The following ARMC2 variants were observed in gnomAD, a reference collection of about 807,000 sequenced individuals.
The protein encoded by ARMC2 is armadillo repeat containing 2.
A neutral mutation model predicts 90.3 loss-of-function variants in ARMC2; 67 were observed. The ratio of observed to expected loss-of-function variants is 0.74; its 90% confidence interval spans 0.61 to 0.91. ARMC2 has a LOEUF of 0.91. Ranked by LOEUF, ARMC2 falls within the 40% of genes least tolerant of loss-of-function variation. The probability of loss-of-function intolerance (pLI) is 0.00; values close to 1 mark genes in which losing one functional copy is unlikely to be tolerated. For synonymous variants in ARMC2, 393 were observed against 393.0 expected, an observed-to-expected ratio of 1.00 and a Z score of 0.00; for missense variants, 920 against 1,030.9, an observed-to-expected ratio of 0.89 and a Z score of 1.47.
the ARMC2 span, among the ~76,000 whole-genome samples, chr6:109,001,016 T>C: frequency 6.6e-6 from 1 of 152,208 alleles, no homozygotes; most frequent in African/African-American, 2.4e-5. Flanking sequence ...GCACCACTTA[T>C]GTCAATGTGA....
intron 11 of ARMC2, among the ~76,000 whole-genome samples, chr6:108,931,973 C>G (rs1320695601): frequency 6.6e-6 from 1 of 151,858 alleles, no homozygotes. Flanking sequence ...CCATGTTGGT[C>G]AGGCTGGTCT....
intron 3 of ARMC2, among the ~76,000 whole-genome samples, chr6:108,860,399 A>G (rs1378600919): frequency 6.6e-6 from 1 of 152,038 alleles, no homozygotes; most frequent in African/African-American, 2.4e-5. Context: ...GCGGTGGCTC[A>G]TGCCTGTAAT....
intron 12 of ARMC2, among the ~76,000 whole-genome samples, chr6:108,951,250 C>A (rs1410334544): frequency 6.6e-6 from 1 of 152,156 alleles, no homozygotes; most frequent in East Asian, 1.9e-4. Context: ...CATATGTTAG[C>A]CTTGTCTTCT....
At position 108,961,690 on chromosome 6, in the gene ARMC2, T is replaced by C. The variant is rs1425299224; in HGVS notation, c.2034T>C (p.Ala678=). 6.3e-7 allele frequency: 1 copy of C among 1,598,504 alleles called. No homozygotes were observed. The highest frequency in any genetic ancestry group is 8.5e-7 in the Non-Finnish European group (1 of 1,174,510). Residue 678 remains alanine, a synonymous_variant, in exon 14 of 18, where the codon GCT becomes GCC. Transcript: ENST00000392644. ...SIIQDKKLYI[A]ELLLKLLVSN... ...TTCAAGACAAAAAGCTATATATTGC[T>C]GAATGTAAGGTTCAGAGTTGGATTT... is the stretch of plus-strand genomic sequence containing the variant.
At chr6:109,018,032 T>C in the ARMC2 span, among the ~76,000 whole-genome samples, 11 of 152,036 alleles carry the variant, frequency 7.2e-5, no homozygotes, top group African/African-American at 2.7e-4. Context: ...GAAGAAGAAA[T>C]AGCAAAAATA....
At position 108,910,903 on chromosome 6, in the gene ARMC2, A is replaced by C; in HGVS notation, c.1028A>C (p.Lys343Thr). The C allele has an allele frequency of 6.6e-7, 1 of 1,519,402 alleles. No homozygotes were observed. The allele number at this position is 1,519,402 out of a possible 1,614,324, so 94.1% of individuals were successfully genotyped here. ...LKLAKIILALKVSRKNLLNVC... is the reference protein window; with the variant it reads ...LKLAKIILALTVSRKNLLNVC... ...GATGTGTTTCTTTCTCTGCAGCTTA[A>C]AGTGAGTAGAAAGAATCTTCTTAAT... The change falls in exon 9 of 18, where the codon AAA (lysine) becomes ACA (threonine). Residue 343 changes from lysine (K) to threonine (T), a missense_variant. Coordinates refer to ENST00000392644, the MANE Select transcript of ARMC2 (RefSeq NM_032131.6).
intron 12 of ARMC2, among the ~76,000 whole-genome samples, chr6:108,941,576 A>ATT (rs1776445562): frequency 6.6e-6 from 1 of 152,182 alleles, no homozygotes; most frequent in African/African-American, 2.4e-5. Flanking sequence ...AGACACAATA[A>ATT]AGTTACATGT....
chr6:109,013,787 A>G, the ARMC2 span, among the ~76,000 whole-genome samples: 35 of 152,150 alleles, frequency 2.3e-4, no homozygotes, highest in Non-Finnish European at 4.4e-4. Flanking sequence ...AAAATCCCCT[A>G]TTGTCATTTA....
intron 17 of ARMC2, among the ~76,000 whole-genome samples, chr6:108,969,972 G>A (rs1415451704): frequency 6.6e-6 from 1 of 152,058 alleles, no homozygotes; most frequent in Admixed American, 6.6e-5. Flanking sequence ...GGAATTCAAG[G>A]CTACAGTGAG....
At chr6:108,853,195 T>G (rs993527078) in intron 1 of ARMC2, among the ~76,000 whole-genome samples, 1 of 152,202 alleles carries the variant, frequency 6.6e-6, no homozygotes, top group African/African-American at 2.4e-5. Flanking sequence ...TGTTTATAGT[T>G]TTCATCAGAA....
chr6:108,903,944 A>G (rs1175020039), intron 7 of ARMC2, among the ~76,000 whole-genome samples: 1 of 152,206 alleles, frequency 6.6e-6, no homozygotes, highest in Non-Finnish European at 1.5e-5. Flanking sequence ...AAGGAGGCCA[A>G]CTGAAGCAGG....
the ARMC2 span, among the ~76,000 whole-genome samples, chr6:108,994,198 A>G: frequency 6.6e-6 from 1 of 151,642 alleles, no homozygotes; most frequent in South Asian, 2.1e-4. Flanking sequence ...TTAAGTGACT[A>G]AGCCAAGTTC....
the ARMC2 span, among the ~76,000 whole-genome samples, chr6:109,040,724 C>G: frequency 6.6e-6 from 1 of 150,882 alleles, no homozygotes; most frequent in African/African-American, 2.4e-5. Flanking sequence ...GCAATCTCAT[C>G]TCACTGCAAG....
At chr6:109,044,088 G>A in the ARMC2 span, among the ~76,000 whole-genome samples, 1 of 151,944 alleles carries the variant, frequency 6.6e-6, no homozygotes, top group Admixed American at 6.6e-5. Flanking sequence ...GCCAAGGCAA[G>A]AGGATTGCTT....
rs1396778966 is a variant in ARMC2, at chr6:108,912,379, A to G, written c.1171A>G (p.Met391Val). The change falls in exon 10 of 18, where the codon ATG becomes GTG. Residue 391 changes from methionine (M) to valine (V), a missense_variant. Coordinates refer to ENST00000392644, the MANE Select transcript of ARMC2 (RefSeq NM_032131.6). The part of the protein sequence containing the change: ...VLRSEDLQTN[M>V]EAFLYCMGSI... ...AAGAAGTGAAGACCTGCAAACTAAC[A>G]TGGAAGCTTTTTTATACTGTATGGG... is the stretch of plus-strand genomic sequence containing the variant. 1.2e-6 allele frequency: 2 copies of G among 1,612,034 alleles called. No homozygotes were observed. The highest frequency in any genetic ancestry group is 1.1e-5 in the South Asian group (1 of 90,202).
At chr6:108,851,447 G>C (rs994254734) in intron 1 of ARMC2, among the ~76,000 whole-genome samples, 2 of 152,262 alleles carry the variant, frequency 1.3e-5, no homozygotes, top group South Asian at 2.1e-4. Context: ...TTGAGTATAA[G>C]CAGGGTAAAT....
chr6:108,859,693 A>C (rs906568153), intron 3 of ARMC2, among the ~76,000 whole-genome samples: 1 of 152,186 alleles, frequency 6.6e-6, no homozygotes, highest in Non-Finnish European at 1.5e-5. Flanking sequence ...TGCTCTTTCT[A>C]GAATTTATTA....
At chr6:108,867,486 G>T (rs1404527012) in intron 3 of ARMC2, among the ~76,000 whole-genome samples, 1 of 152,134 alleles carries the variant, frequency 6.6e-6, no homozygotes, top group African/African-American at 2.4e-5. Context: ...AACATTTTCG[G>T]CTGGGCACAG....
the ARMC2 span, among the ~76,000 whole-genome samples, chr6:108,992,396 C>T: frequency 1.8e-4 from 28 of 152,190 alleles, no homozygotes; most frequent in South Asian, 8.3e-4. Context: ...GGATCACAGG[C>T]GGGAGCCATT....
Sources: gnomAD v4.1 joint callset for allele counts (sites outside exome capture counted in the v4.1 genomes callset) on GRCh38, gnomAD v4.1.1 for gene constraint, MANE v1.5 for transcripts, NCBI Gene and HGNC (gene_info 2026-07-23, HGNC 2026-07-21) for gene names.